Variants in TDO2 observed in about 807,000 individuals in gnomAD.
The protein encoded by TDO2 is tryptophan 2,3-dioxygenase.
A neutral mutation model predicts 61.2 loss-of-function variants in TDO2; 63 were observed. The observed-to-expected ratio is 1.03, with a 90% CI of 0.84 to 1.27. TDO2 has a LOEUF of 1.27. TDO2 is among the 50% of genes most tolerant of loss of function. TDO2 has a pLI of 0.00. For synonymous variants in TDO2, 183 were observed against 164.0 expected, an observed-to-expected ratio of 1.12 and a Z score of -0.89; for missense variants, 494 against 469.5, an observed-to-expected ratio of 1.05 and a Z score of -0.48.
At chr4:155,905,597 T>A (rs914082996) in intron 3 of TDO2, 4 of 153,442 alleles carry the variant, frequency 2.6e-5, no homozygotes, top group African/African-American at 9.7e-5. Flanking sequence ...CAGATTTCTA[T>A]AATGATTTCT....
At chr4:155,911,008 A>G (rs1304204480) in intron 6 of TDO2, among the ~76,000 whole-genome samples, 1 of 152,112 alleles carries the variant, frequency 6.6e-6, no homozygotes. Context: ...AAAATCTCAA[A>G]GTAATTGCAT....
At position 155,917,464 on chromosome 4, in the gene TDO2, C is replaced by T. The variant is rs1380174364; in HGVS notation, c.966C>T (p.Thr322=). ...TSLMDIDSLM[T]KWRYNHVCMV... Reference sequence around the variant, plus strand: ...TTATGGACATAGATTCACTGATGACCAAATGGAGATGTAAGTCCTTCCCAC... The same window carrying T: ...TTATGGACATAGATTCACTGATGACTAAATGGAGATGTAAGTCCTTCCCAC... Residue 322 remains threonine, a synonymous_variant, in exon 10 of 12, where the codon ACC becomes ACT. Transcript: ENST00000536354. The T allele has an allele frequency of 1.2e-6, 2 of 1,610,596 alleles. No homozygotes were observed. The highest frequency in any genetic ancestry group is 1.1e-5 in the South Asian group (1 of 90,628).
chr4:155,919,202 G>T (rs1011510534), intron 11 of TDO2, among the ~76,000 whole-genome samples: 1 of 152,176 alleles, frequency 6.6e-6, no homozygotes, highest in African/African-American at 2.4e-5. Context: ...AGAAACTGGG[G>T]CATTGAAGTT....
chr4:155,913,078 C>G (rs1742866368), intron 7 of TDO2, among the ~76,000 whole-genome samples: 1 of 152,046 alleles, frequency 6.6e-6, no homozygotes, highest in Non-Finnish European at 1.5e-5. Flanking sequence ...CAAGTGCAAC[C>G]CTCCATCGTT....
intron 1 of TDO2, 82 bp downstream of exon 1, chr4:155,903,875 G>A: frequency 6.4e-7 from 1 of 1,572,070 alleles, no homozygotes; most frequent in East Asian, 2.2e-5. Flanking sequence ...AATTTAAGGA[G>A]CATTGAAAAC....
At position 155,918,247 on chromosome 4, in the gene TDO2, G is replaced by A. The variant is rs376638008; in HGVS notation, c.1067+8G>A. On this transcript the variant is annotated splice_region_variant and intron_variant, in intron 11 of 11. Transcript: ENST00000536354. ...CCTGCGATCAACTGTGAGGTAGGTG[G>A]GGAAATTCTCCTTTCTTCCTGGTGG... 5.6e-6 allele frequency: 9 copies of A among 1,613,374 alleles called. No individual in the cohort carries two copies. Among genetic ancestry groups the A allele is most frequent in the Non-Finnish European group, 7.6e-6 (9 of 1,179,628 alleles).
chr4:155,915,194 T>C (rs1017131251), intron 8 of TDO2, among the ~76,000 whole-genome samples: 10 of 152,206 alleles, frequency 6.6e-5, no homozygotes, highest in African/African-American at 2.4e-4. Context: ...AGAACTTTTA[T>C]TGTAACGCAT....
chr4:155,908,936 T>G lies in TDO2; in HGVS notation c.353T>G (p.Val118Gly), dbSNP rs1431464781. The G allele has an allele frequency of 5.0e-6, 8 of 1,613,112 alleles. No homozygotes were observed. Among genetic ancestry groups the G allele is most frequent in the Non-Finnish European group, 6.8e-6 (8 of 1,179,680 alleles). The change falls in exon 5 of 12, where the codon GTG becomes GGG. Residue 118 changes from valine (V) to glycine (G), a missense_variant. Coordinates refer to ENST00000536354, the MANE Select transcript of TDO2 (RefSeq NM_005651.4). ...AAGGTTGTTTCTCGGATGCACCGAGTGTCAGTGATCCTGAAACTGCTGGTG... is the reference window on the plus strand; with the variant it reads ...AAGGTTGTTTCTCGGATGCACCGAGGGTCAGTGATCCTGAAACTGCTGGTG... ...MLKVVSRMHR[V>G]SVILKLLVQQ...
chr4:155,904,256 A>AAAAGTATATCTGCAAAT, intron 2 of TDO2, 133 bp downstream of exon 2: 1 of 647,938 alleles, frequency 1.5e-6, no homozygotes, highest in Non-Finnish European at 2.7e-6. Flanking sequence ...GGATATTTTT[A>AAAAGTATATCTGCAAAT]TTCATAAACA....
chr4:155,919,929 A>G lies in TDO2; in HGVS notation c.1160A>G (p.Lys387Arg), dbSNP rs1350551192. 1.9e-6 allele frequency: 3 copies of G among 1,613,672 alleles called. No individual in the cohort carries two copies. Among genetic ancestry groups the G allele is most frequent in the South Asian group, 1.1e-5 (1 of 91,056 alleles). Residue 387 changes from lysine (K) to arginine (R), a missense_variant, in exon 12 of 12, where the codon AAA becomes AGA. Lys to Arg is a conservative substitution (Grantham distance 26). Coordinates refer to ENST00000536354, the MANE Select transcript of TDO2 (RefSeq NM_005651.4). Reference sequence around the variant, plus strand: ...CCGAAGATGAACCCAACCATTCACAAATTTCTATATACAGCAGAATACTGT... The same window carrying G: ...CCGAAGATGAACCCAACCATTCACAGATTTCTATATACAGCAGAATACTGT... The part of the protein sequence containing the change: ...WIPKMNPTIH[K>R]FLYTAEYCDS...
At chr4:155,915,733 T>C (rs1174886398) in intron 8 of TDO2, 122 bp from the exon 9 acceptor site, 25 of 684,012 alleles carry the variant, frequency 3.7e-5, no homozygotes, top group Admixed American at 1.5e-4. Flanking sequence ...AAATGTAAAC[T>C]GAAACTTATA....
intron 8 of TDO2, 115 bp downstream of exon 8, chr4:155,914,549 T>C: frequency 1.4e-6 from 1 of 717,310 alleles, no homozygotes. Context: ...AAATTGATAT[T>C]CTACTGATAG....
chr4:155,905,279 T>C, intron 3 of TDO2, 122 bp downstream of exon 3: 1 of 788,536 alleles, frequency 1.3e-6, no homozygotes. Flanking sequence ...TTAGAAATGT[T>C]TGAGAATATT....
At chr4:155,908,588 T>C (rs1742761790) in intron 4 of TDO2, among the ~76,000 whole-genome samples, 1 of 152,224 alleles carries the variant, frequency 6.6e-6, no homozygotes, top group South Asian at 2.1e-4. Context: ...CTCTGTTCTT[T>C]GAAACAAAAC....
At chr4:155,908,820 C>CT in intron 4 of TDO2, 67 bp from the exon 5 acceptor site, 1 of 1,488,538 alleles carries the variant, frequency 6.7e-7, no homozygotes, top group Non-Finnish European at 9.0e-7. Flanking sequence ...AATTCATTGC[C>CT]ATTGTCTATT....
chr4:155,908,543 T>C (rs1044124506), intron 4 of TDO2, among the ~76,000 whole-genome samples: 1 of 152,194 alleles, frequency 6.6e-6, no homozygotes, highest in African/African-American at 2.4e-5. Context: ...ACATGTTGTT[T>C]AACCCTCACT....
intron 10 of TDO2, 38 bp from the exon 11 acceptor site, chr4:155,918,111 G>GA (rs770765582): frequency 6.3e-7 from 1 of 1,592,206 alleles, no homozygotes; most frequent in Admixed American, 1.7e-5. Context: ...ACTAATGGTG[G>GA]AAAAATATCC....
At chr4:155,918,759 T>C (rs1387916500) in intron 11 of TDO2, 2 of 153,034 alleles carry the variant, frequency 1.3e-5, no homozygotes, top group Non-Finnish European at 2.9e-5. Context: ...CTAGAGAGGT[T>C]TCTAAGGGAT....
In TDO2 at chr4:155,911,504, TG is replaced by T; in HGVS notation, c.628del (p.Glu210LysfsTer6). The T allele has an allele frequency of 6.2e-7, 1 of 1,604,718 alleles. No individual in the cohort carries two copies. The highest frequency in any genetic ancestry group is 8.5e-7 in the Non-Finnish European group (1 of 1,175,116). On this transcript the variant is annotated frameshift_variant, in exon 7 of 12. Coordinates refer to ENST00000536354, the MANE Select transcript of TDO2 (RefSeq NM_005651.4). LOFTEE classifies it high-confidence loss of function. ...AAATAATGTTTATTTAAGGCATGGC[TG>T]GAAAGAACTCCAGGTTTAGAGCCAC... The part of the protein sequence containing the change: ...KTLLELVEAW[L>X]ERTPGLEPHG...
Sources: gnomAD v4.1 joint callset for allele counts (sites outside exome capture counted in the v4.1 genomes callset) on GRCh38, gnomAD v4.1.1 for gene constraint, MANE v1.5 for transcripts, NCBI Gene and HGNC (gene_info 2026-07-23, HGNC 2026-07-21) for gene names.